The following CR1L variants were observed in gnomAD, a reference collection of about 807,000 sequenced individuals.
CR1L encodes complement component receptor 1-like protein.
In CR1L, 59 loss-of-function variants were observed where a neutral mutation model predicts 62.3. The observed-to-expected ratio is 0.95, with a 90% CI of 0.77 to 1.18. The LOEUF (loss-of-function observed/expected upper bound fraction) is 1.18, where lower values mean the gene tolerates loss of function less well. CR1L is among the 50% of genes most tolerant of loss of function. The pLI is 0.00. For missense variants in CR1L, 700 were observed against 702.8 expected (o/e 1.00, Z 0.04); for synonymous variants, 279 against 248.7 (o/e 1.12, Z -1.15).
chr1:207,722,611 T>A (rs905355036), intron 11 of CR1L, among the ~76,000 whole-genome samples: 4 of 152,124 alleles, frequency 2.6e-5, no homozygotes, highest in African/African-American at 9.7e-5. Context: ...TAGTATAGTT[T>A]GAAGTCAGGT....
chr1:207,697,410 A>G (rs558544534), intron 5 of CR1L, 93 bp from the exon 6 acceptor site: 1 of 1,606,516 alleles, frequency 6.2e-7, no homozygotes, highest in African/African-American at 1.3e-5. Flanking sequence ...TTTGTTACAT[A>G]TAGATTTGTA....
At chr1:207,684,377 C>G (rs986062579) in intron 4 of CR1L, among the ~76,000 whole-genome samples, 2 of 152,188 alleles carry the variant, frequency 1.3e-5, no homozygotes, top group African/African-American at 4.8e-5. Flanking sequence ...AGGCCCCATG[C>G]ACTATAAACC....
intron 1 of CR1L, among the ~76,000 whole-genome samples, chr1:207,667,937 A>T (rs775301088): frequency 7.3e-5 from 11 of 151,212 alleles, no homozygotes; most frequent in African/African-American, 1.2e-4. Context: ...ATTCTTAGTC[A>T]TCAGAGAAAT....
At chr1:207,674,058 T>TA (rs1321674900) in intron 1 of CR1L, among the ~76,000 whole-genome samples, 1 of 152,208 alleles carries the variant, frequency 6.6e-6, no homozygotes, top group Non-Finnish European at 1.5e-5. Context: ...GGCTAAAACA[T>TA]TTAAAACAAT....
rs189834493 is a variant in CR1L at position 207,687,328 on chromosome 1, C to T, written c.463+3371C>T. 5.9e-5 allele frequency among the ~76,000 whole-genome samples: 9 copies of T among 152,104 alleles called. 1 individual carries two copies. The East Asian group carries it at 1.7e-3, about 29-fold the overall frequency. On this transcript the variant is annotated intron_variant, in intron 4 of 11. Transcript: ENST00000508064. ...CTTTGTTGGGAGGTCTTTTTTTATT[C>T]CAACAATTTTCTTGTACCATGTAGA...
At chr1:207,677,681 C>G in intron 2 of CR1L, 113 bp downstream of exon 2, 1 of 1,226,326 alleles carries the variant, frequency 8.2e-7, no homozygotes, top group Non-Finnish European at 1.1e-6. Context: ...TGCTAAGGTG[C>G]AATACATATG....
At chr1:207,707,499 A>G (rs1192562141) in intron 9 of CR1L, among the ~76,000 whole-genome samples, 1 of 152,108 alleles carries the variant, frequency 6.6e-6, no homozygotes, top group African/African-American at 2.4e-5. Flanking sequence ...ATGTTGGTGC[A>G]TGCCTGTAAT....
At chr1:207,670,699 G>A (rs1271008881) in intron 1 of CR1L, among the ~76,000 whole-genome samples, 1 of 151,022 alleles carries the variant, frequency 6.6e-6, no homozygotes, top group African/African-American at 2.5e-5. Context: ...CCCAAGAGTT[G>A]TTATTAATAT....
At chr1:207,717,072 T>C (rs1273806808) in intron 10 of CR1L, among the ~76,000 whole-genome samples, 1 of 152,226 alleles carries the variant, frequency 6.6e-6, no homozygotes, top group Non-Finnish European at 1.5e-5. Flanking sequence ...ATAGATTTCC[T>C]TGGAACTTAT....
At chr1:207,685,906 G>A (rs11118363) in intron 4 of CR1L, among the ~76,000 whole-genome samples, 142,871 of 152,112 alleles carry the variant, frequency 0.94, 67,426 homozygotes, top group African/African-American at 0.98. Flanking sequence ...GTCCAGAACC[G>A]TACAGAGAAA....
chr1:207,720,113 G>C (rs1654095938), intron 11 of CR1L, among the ~76,000 whole-genome samples: 1 of 152,186 alleles, frequency 6.6e-6, no homozygotes, highest in Non-Finnish European at 1.5e-5. Context: ...TAACCAGCAG[G>C]TTCTTGGAAC....
chr1:207,669,555 G>T (rs4844388), intron 1 of CR1L: 7 of 1,554,092 alleles, frequency 4.5e-6, no homozygotes, highest in Non-Finnish European at 5.2e-6. Context: ...TCGCGCTGCC[G>T]GTGGCCTGGG....
At chr1:207,704,247 C>A (rs907673938) in intron 9 of CR1L, among the ~76,000 whole-genome samples, 41 of 152,148 alleles carry the variant, frequency 2.7e-4, no homozygotes, top group African/African-American at 9.4e-4. Flanking sequence ...AAGAACACTA[C>A]AATTAGAAGC....
In CR1L at chr1:207,677,576, A is replaced by T. The variant is rs1306951816; in HGVS notation, c.277+8A>T. 2 of 1,610,062 alleles carry T rather than the reference A, an allele frequency of 1.2e-6. No homozygotes were observed. The highest frequency in any genetic ancestry group is 1.3e-5 in the African/African-American group (1 of 74,732). On this transcript the variant is annotated splice_region_variant and intron_variant, in intron 2 of 11. Coordinates refer to ENST00000508064, the MANE Select transcript of CR1L (RefSeq NM_175710.2). ...CTAAGGACAAGTGCAAACGTAAGTA[A>T]CTCTGGAGTGGGAACCCCTCTGTTA...
chr1:207,679,397 G>A lies in CR1L; in HGVS notation c.377+1100G>A, dbSNP rs117010160. ...TAACTTGATTGCCTCTGCAAAGACC[G>A]TATTTCCAAATAAGGTCACATTAAT... On this transcript the variant is annotated intron_variant, in intron 3 of 11. Transcript: ENST00000508064. Among the ~76,000 whole-genome samples, 320 of 151,992 alleles carry A rather than the reference G, an allele frequency of 2.1e-3. 8 individuals are homozygous for A. In the East Asian group the frequency reaches 0.035, roughly 17 times the overall value.
intron 11 of CR1L, among the ~76,000 whole-genome samples, chr1:207,723,369 G>A (rs529802109): frequency 4.4e-4 from 66 of 150,692 alleles, no homozygotes; most frequent in Middle Eastern, 6.8e-3. Flanking sequence ...GGCAGAGGTC[G>A]CAGTGAGGTT....
At chr1:207,685,275 G>C (rs1279493127) in intron 4 of CR1L, among the ~76,000 whole-genome samples, 1 of 152,194 alleles carries the variant, frequency 6.6e-6, no homozygotes, top group Non-Finnish European at 1.5e-5. Flanking sequence ...GCTTTTGACT[G>C]CGTAGCATGG....
intron 4 of CR1L, among the ~76,000 whole-genome samples, chr1:207,684,291 G>A (rs1663859098): frequency 6.6e-6 from 1 of 152,034 alleles, no homozygotes; most frequent in Non-Finnish European, 1.5e-5. Flanking sequence ...TTTAAAAATT[G>A]ATACTCTTCA....
chr1:207,696,338 ACT>A (rs374709064), intron 5 of CR1L, among the ~76,000 whole-genome samples: 78 of 152,288 alleles, frequency 5.1e-4, no homozygotes, highest in Middle Eastern at 3.4e-3. Flanking sequence ...AGTAGAACAG[ACT>A]CTGCCATCAT....
Sources: gnomAD v4.1 joint callset for allele counts (sites outside exome capture counted in the v4.1 genomes callset) on GRCh38, gnomAD v4.1.1 for gene constraint, MANE v1.5 for transcripts, NCBI Gene and HGNC (gene_info 2026-07-23, HGNC 2026-07-21) for gene names.